Variants in PACRG observed in about 807,000 individuals in gnomAD.
PACRG encodes parkin coregulated gene protein.
In PACRG, 29 loss-of-function variants were observed where a neutral mutation model predicts 29.7. The observed-to-expected ratio is 0.98, with a 90% CI of 0.73 to 1.33. The LOEUF (loss-of-function observed/expected upper bound fraction) is 1.33, where lower values mean the gene tolerates loss of function less well. Among genes scored for constraint, PACRG ranks in the 40% most tolerant of loss-of-function variants. The probability of loss-of-function intolerance (pLI) is 0.00; values close to 1 mark genes in which losing one functional copy is unlikely to be tolerated. For synonymous variants in PACRG, 116 were observed against 118.7 expected, an observed-to-expected ratio of 0.98 and a Z score of 0.15; for missense variants, 279 against 316.2, an observed-to-expected ratio of 0.88 and a Z score of 0.89.
intron 4 of PACRG, among the ~76,000 whole-genome samples, chr6:163,159,149 T>C (rs1243387372): frequency 2.0e-5 from 3 of 152,168 alleles, no homozygotes; most frequent in African/African-American, 7.2e-5. Flanking sequence ...CATACTGTTG[T>C]TGTAAGCGTT....
intron 1 of PACRG, among the ~76,000 whole-genome samples, chr6:162,749,490 C>T (rs1275423540): frequency 6.6e-6 from 1 of 152,102 alleles, no homozygotes; most frequent in African/African-American, 2.4e-5. Context: ...GAAGATCATT[C>T]TCCTGGGGCA....
intron 4 of PACRG, among the ~76,000 whole-genome samples, chr6:163,239,625 C>T (rs1212151502): frequency 5.3e-5 from 8 of 151,644 alleles, no homozygotes; most frequent in Non-Finnish European, 7.4e-5. Flanking sequence ...GTTCATTGCC[C>T]CTCCTGCTCC....
At chr6:162,900,144 C>T (rs1192782620) in intron 2 of PACRG, among the ~76,000 whole-genome samples, 1 of 152,034 alleles carries the variant, frequency 6.6e-6, no homozygotes, top group African/African-American at 2.4e-5. Context: ...GTAATGCACC[C>T]TCGAGAACTG....
At chr6:162,844,216 T>G (rs1432748292) in intron 2 of PACRG, among the ~76,000 whole-genome samples, 1 of 151,906 alleles carries the variant, frequency 6.6e-6, no homozygotes, top group African/African-American at 2.4e-5. Context: ...GCCTTGCAGT[T>G]TGATCTCAGA....
chr6:163,076,598 A>C lies in PACRG; in HGVS notation c.464-12661A>C, dbSNP rs569729077. Among the ~76,000 whole-genome samples the C allele has an allele frequency of 2.0e-5, 3 of 152,274 alleles. No individual in the cohort carries two copies. In the East Asian group the frequency reaches 5.8e-4, roughly 29 times the overall value. On this transcript the variant is annotated intron_variant, in intron 3 of 4. Coordinates refer to ENST00000366888, the MANE Select transcript of PACRG (RefSeq NM_001080379.2). ...TCAAGGATTCCCACTATCTGGCTGA[A>C]AATTTTGTTTTTGACTTTATTTCTT...
intron 2 of PACRG, among the ~76,000 whole-genome samples, chr6:162,998,429 G>C (rs1318957868): frequency 6.6e-6 from 1 of 152,112 alleles, no homozygotes; most frequent in Non-Finnish European, 1.5e-5. Context: ...CTTTTTAAAG[G>C]ATTAATGTGA....
At chr6:163,069,809 A>G (rs1811880594) in intron 3 of PACRG, among the ~76,000 whole-genome samples, 1 of 152,180 alleles carries the variant, frequency 6.6e-6, no homozygotes, top group African/African-American at 2.4e-5. Context: ...TAAGTACAAG[A>G]TGGTTATAAA....
intron 4 of PACRG, among the ~76,000 whole-genome samples, chr6:163,163,439 T>G (rs986525161): frequency 1.3e-5 from 2 of 152,110 alleles, no homozygotes; most frequent in African/African-American, 2.4e-5. Flanking sequence ...GCCCGACTAA[T>G]TTTTGCATTT....
At chr6:162,784,984 C>G (rs1784350508) in intron 1 of PACRG, among the ~76,000 whole-genome samples, 1 of 152,118 alleles carries the variant, frequency 6.6e-6, no homozygotes, top group African/African-American at 2.4e-5. Context: ...GCATTAGTAA[C>G]AAGTAAATGT....
At chr6:162,995,654 G>C (rs1192109616) in intron 2 of PACRG, among the ~76,000 whole-genome samples, 1 of 152,238 alleles carries the variant, frequency 6.6e-6, no homozygotes, top group Non-Finnish European at 1.5e-5. Context: ...ACTCCCTAGT[G>C]AGATGAACCC....
chr6:162,971,728 A>G (rs967589798), intron 2 of PACRG, among the ~76,000 whole-genome samples: 7 of 152,192 alleles, frequency 4.6e-5, no homozygotes, highest in Admixed American at 1.3e-4. Context: ...ACACAAACTA[A>G]CCATTCTTTC....
At chr6:162,783,713 T>C (rs1163309564) in intron 1 of PACRG, among the ~76,000 whole-genome samples, 6 of 152,044 alleles carry the variant, frequency 3.9e-5, no homozygotes, top group African/African-American at 1.4e-4. Flanking sequence ...TATAAATTCC[T>C]GGAAGTATAA....
intron 4 of PACRG, among the ~76,000 whole-genome samples, chr6:163,202,829 T>G (rs973307943): frequency 2.0e-5 from 3 of 152,212 alleles, no homozygotes; most frequent in African/African-American, 7.2e-5. Context: ...CACATGGAGT[T>G]ATAAATACAG....
chr6:162,863,191 T>C (rs1792009810), intron 2 of PACRG, among the ~76,000 whole-genome samples: 1 of 152,208 alleles, frequency 6.6e-6, no homozygotes, highest in African/African-American at 2.4e-5. Flanking sequence ...CCGTGCCTGA[T>C]GTGGGCTATG....
At chr6:163,116,902 G>A (rs749918534) in intron 4 of PACRG, among the ~76,000 whole-genome samples, 7 of 152,148 alleles carry the variant, frequency 4.6e-5, no homozygotes, top group African/African-American at 7.2e-5. Flanking sequence ...AGTCCTGGAC[G>A]TGGTGAGTCG....
intron 4 of PACRG, among the ~76,000 whole-genome samples, chr6:163,261,096 G>T (rs1042951680): frequency 2.0e-5 from 3 of 151,972 alleles, no homozygotes; most frequent in African/African-American, 7.3e-5. Flanking sequence ...TGTTTTCCAG[G>T]AGTGCTAGTC....
intron 2 of PACRG, among the ~76,000 whole-genome samples, chr6:162,962,228 T>C (rs1027424212): frequency 1.3e-5 from 2 of 152,210 alleles, no homozygotes; most frequent in Non-Finnish European, 2.9e-5. Context: ...TCTCTATGCC[T>C]AATGCCCTTT....
Position 162,885,179 on chromosome 6 carries a change from A to G in PACRG, c.291+70898A>G, listed in dbSNP as rs143966203. Among the ~76,000 whole-genome samples the G allele has an allele frequency of 4.6e-5, 7 of 151,622 alleles. No homozygotes were observed. In the East Asian group the frequency reaches 5.8e-4, roughly 13 times the overall value. On this transcript the variant is annotated intron_variant, in intron 2 of 4. Transcript: ENST00000366888. ...CAAAACACTGCAGGGATTATAAACC[A>G]TGAAGAAAACATGGTTTCCTTTCAA...
At chr6:162,852,247 A>G (rs1790979722) in intron 2 of PACRG, among the ~76,000 whole-genome samples, 1 of 152,130 alleles carries the variant, frequency 6.6e-6, no homozygotes, top group African/African-American at 2.4e-5. Context: ...AGAACTGGTG[A>G]TTGCCTCCAT....
Sources: allele counts gnomAD v4.1 joint callset (sites outside exome capture counted in the v4.1 genomes callset), GRCh38; gene constraint gnomAD v4.1.1; transcripts MANE v1.5; gene names NCBI Gene and HGNC (gene_info 2026-07-23, HGNC 2026-07-21).